Variants in PELP1 observed in about 807,000 individuals in gnomAD.
PELP1 encodes the protein proline-, glutamic acid- and leucine-rich protein 1.
PELP1 carries 32 observed loss-of-function variants against 95.5 expected under a neutral mutation model. The observed-to-expected ratio is 0.34, with a 90% CI of 0.25 to 0.45. The LOEUF (loss-of-function observed/expected upper bound fraction) is 0.45. Ranked by LOEUF, PELP1 falls within the 20% of genes least tolerant of loss-of-function variation. The probability of loss-of-function intolerance (pLI) is 1.00; values close to 1 mark genes in which losing one functional copy is unlikely to be tolerated. For synonymous variants in PELP1, 668 were observed against 600.1 expected (o/e 1.11, Z -1.65); for missense variants, 1,358 against 1,444.8 (o/e 0.94, Z 0.97).
intron 1 of PELP1, chr17:4,696,827 C>T (rs1913318224): frequency 6.6e-6 from 1 of 151,860 alleles, no homozygotes; most frequent in African/African-American, 2.4e-5. Flanking sequence ...AAGAAGGGTC[C>T]AAGATAATGC....
chr17:4,675,752 G>T lies in PELP1; in HGVS notation c.1068+45C>A. ...GTCCCCAGTACTTTCCTGGTTGCCT[G>T]GTATCCTGAGCAAGGGCTCTGAAGA... On this transcript the variant is annotated intron_variant, in intron 9 of 16. Transcript: ENST00000572293. The surrounding 1 kb of genome is among the most constrained non-coding windows in gnomAD (Gnocchi z 4.3). 7.3e-7 allele frequency: 1 copy of T among 1,371,472 alleles called. No homozygotes were observed. Among genetic ancestry groups the T allele is most frequent in the Non-Finnish European group, 1.0e-6 (1 of 981,780 alleles). The allele number at this position is 1,371,472 out of a possible 1,614,324, so 85.0% of individuals were successfully genotyped here. A position where few individuals can be genotyped will look rare whatever the true frequency, so the allele number is the denominator to read the frequency against.
At chr17:4,679,740 C>G (rs992415088) in intron 5 of PELP1, among the ~76,000 whole-genome samples, 1 of 152,184 alleles carries the variant, frequency 6.6e-6, no homozygotes, top group Non-Finnish European at 1.5e-5. Flanking sequence ...ATCGATGAGT[C>G]ACTCCAAATA....
At chr17:4,692,871 A>G (rs1913162664) in intron 1 of PELP1, among the ~76,000 whole-genome samples, 1 of 152,020 alleles carries the variant, frequency 6.6e-6, no homozygotes, top group South Asian at 2.1e-4. Flanking sequence ...TTAGCTAGTT[A>G]TGGTGACACG....
At chr17:4,699,059 T>C (rs1913417315) in intron 1 of PELP1, among the ~76,000 whole-genome samples, 1 of 152,186 alleles carries the variant, frequency 6.6e-6, no homozygotes, top group Non-Finnish European at 1.5e-5. Context: ...TCTGTCATTA[T>C]CAGAATAACA....
Position 4,703,885 on chromosome 17 carries a change from T to C in PELP1, c.227A>G (p.His76Arg), listed in dbSNP as rs368800150. The C allele has an allele frequency of 1.2e-6, 2 of 1,612,366 alleles. No individual in the cohort carries two copies. The highest frequency in any genetic ancestry group is 1.7e-5 in the Admixed American group (1 of 59,930). The change falls in exon 1 of 17, where the codon CAT becomes CGT. Residue 76 changes from histidine (H) to arginine (R), a missense_variant. Physicochemically the swap from His to Arg is conservative, Grantham distance 29. Around this residue, in one of 7 missense-constraint regions of PELP1, gnomAD observed 169 missense variants for 134.9 expected, o/e 1.25. Transcript: ENST00000572293. ...LPGLMCLLRL[H>R]GSVGGAQNLS... ...CACCTGGGCCCCGCCCACCGACCCA[T>C]GCAGCCGCAATAGGCACATGAGCCC...
chr17:4,690,838 G>C, intron 3 of PELP1, 50 bp downstream of exon 3: 1 of 1,143,658 alleles, frequency 8.7e-7, no homozygotes, highest in Non-Finnish European at 1.3e-6. Flanking sequence ...TCCAAGATGG[G>C]GAATAAGATG....
rs1912326937 is a variant in PELP1 at position 4,673,530 on chromosome 17, G to A, written c.1639-74C>T. On this transcript the variant is annotated intron_variant, in intron 14 of 16. Coordinates refer to ENST00000572293, the MANE Select transcript of PELP1 (RefSeq NM_014389.3). The surrounding 1 kb of genome is among the most constrained non-coding windows in gnomAD (Gnocchi z 5.7). ...CTTCTCCAGAGCCTACTCCCAGGTC[G>A]GAATGGACCCACCTCTGGGCCACAC... The A allele has an allele frequency of 2.2e-5, 34 of 1,565,128 alleles. No homozygotes were observed. Among genetic ancestry groups the A allele is most frequent in the South Asian group, 7.8e-5 (7 of 89,824 alleles).
intron 3 of PELP1, 69 bp downstream of exon 3, chr17:4,690,819 C>T (rs1414234389): frequency 2.1e-6 from 2 of 960,440 alleles, no homozygotes; most frequent in Non-Finnish European, 3.4e-6. Context: ...TTGAAAAGAA[C>T]ATGCCACATC....
chr17:4,699,269 C>T (rs1422795141), intron 1 of PELP1, among the ~76,000 whole-genome samples: 1 of 151,852 alleles, frequency 6.6e-6, no homozygotes, highest in East Asian at 1.9e-4. Flanking sequence ...GTCCCAGCTA[C>T]TTTGGGAGGC....
intron 1 of PELP1, among the ~76,000 whole-genome samples, chr17:4,700,065 C>T (rs1005104533): frequency 2.6e-5 from 4 of 151,894 alleles, no homozygotes; most frequent in Non-Finnish European, 5.9e-5. Context: ...CCTGCCACTG[C>T]GCCTGGCTAA....
intron 6 of PELP1, 98 bp downstream of exon 6, chr17:4,676,655 G>A: frequency 2.2e-6 from 3 of 1,359,248 alleles, no homozygotes; most frequent in East Asian, 2.4e-5. Context: ...GGACACAGAT[G>A]GGCATATGAA....
intron 1 of PELP1, among the ~76,000 whole-genome samples, chr17:4,697,338 C>T (rs1456389272): frequency 6.6e-6 from 1 of 152,108 alleles, no homozygotes; most frequent in Admixed American, 6.6e-5. Flanking sequence ...CATAGCGAGA[C>T]CTTGTTTCTA....
At position 4,672,944 on chromosome 17, in the gene PELP1, T is replaced by C. The variant is rs531659496; in HGVS notation, c.2047A>G (p.Met683Val). The change falls in exon 16 of 17, where the codon ATG (methionine) becomes GTG (valine). Residue 683 changes from methionine (M) to valine (V), a missense_variant. Around this residue, in one of 7 missense-constraint regions of PELP1, gnomAD observed 340 missense variants for 322.9 expected, o/e 1.05. Coordinates refer to ENST00000572293, the MANE Select transcript of PELP1 (RefSeq NM_014389.3). The stretch of plus-strand genomic sequence containing the variant: ...GAGGGCATGGGGCCTGCTGAAGGCA[T>C]GGGGCCTGCTGAGGGCATGGAGCCC... ...SVGSMPSAGP[M>V]PSAGPMPSAG... 1 of 1,606,426 alleles carries C rather than the reference T, an allele frequency of 6.2e-7. No homozygotes were observed. The highest frequency in any genetic ancestry group is 1.3e-5 in the African/African-American group (1 of 74,660).
At chr17:4,686,234 T>C (rs931779165) in intron 3 of PELP1, among the ~76,000 whole-genome samples, 6 of 152,118 alleles carry the variant, frequency 3.9e-5, no homozygotes, top group African/African-American at 1.4e-4. Flanking sequence ...ACAGCCATGG[T>C]ATTTTCTTCC....
intron 1 of PELP1, among the ~76,000 whole-genome samples, chr17:4,693,626 G>A (rs1476883795): frequency 1.3e-5 from 2 of 152,182 alleles, no homozygotes; most frequent in African/African-American, 4.8e-5. Context: ...CACCGAGATG[G>A]TTACAAGATG....
Position 4,673,944 on chromosome 17 carries a change from A to G in PELP1, c.1583-270T>C. 1 of 445,528 alleles carries G rather than the reference A, an allele frequency of 2.2e-6. No homozygotes were observed. The highest frequency in any genetic ancestry group is 2.6e-5 in the South Asian group (1 of 38,440). 27.6% of individuals were successfully genotyped at this position (445,528 alleles called of 1,614,324 possible). On this transcript the variant is annotated intron_variant, in intron 13 of 16. Coordinates refer to ENST00000572293, the MANE Select transcript of PELP1 (RefSeq NM_014389.3). This position sits in a 1 kb window ranked among gnomAD's most constrained non-coding sequence, Gnocchi z 5.7. ...GGGAACAATCGGTTCTCCCCTTCCC[A>G]TGGGATGGGGTGGCAGGCAGTGAAA...
intron 1 of PELP1, among the ~76,000 whole-genome samples, chr17:4,693,092 A>AT (rs1387888630): frequency 6.6e-6 from 1 of 152,218 alleles, no homozygotes; most frequent in African/African-American, 2.4e-5. Context: ...TTTACCACAA[A>AT]TATAAAATGG....
chr17:4,671,570 C>A (rs1567658994), intron 16 of PELP1, 39 bp from the exon 17 acceptor site: 14 of 1,611,638 alleles, frequency 8.7e-6, no homozygotes, highest in East Asian at 2.2e-5. Context: ...AATAGTCACA[C>A]ACACATACAC....
intron 1 of PELP1, among the ~76,000 whole-genome samples, chr17:4,692,294 C>T (rs1226002654): frequency 1.3e-5 from 2 of 151,940 alleles, no homozygotes; most frequent in South Asian, 2.1e-4. Context: ...GGTGAAACCC[C>T]GTCTCTACTA....
Sources: gnomAD v4.1 joint callset for allele counts (sites outside exome capture counted in the v4.1 genomes callset) on GRCh38, gnomAD v4.1.1 for gene constraint, gnomAD v4.1.1 regional missense constraint, Gnocchi (gnomAD v3.1) non-coding constraint, MANE v1.5 for transcripts, NCBI Gene and HGNC (gene_info 2026-07-23, HGNC 2026-07-21) for gene names.